Variants in EPYC observed in about 807,000 individuals in gnomAD.
The protein encoded by EPYC is epiphycan.
EPYC carries 28 observed loss-of-function variants against 30.1 expected under a neutral mutation model. The observed-to-expected ratio is 0.93, with a 90% CI of 0.69 to 1.28. EPYC has a LOEUF of 1.28. Ranked by LOEUF, EPYC falls within the 50% of genes most tolerant of loss-of-function variation. The pLI is 0.00. For synonymous variants in EPYC, 144 were observed against 141.4 expected (o/e 1.02, Z -0.13); for missense variants, 382 against 383.5 (o/e 1.00, Z 0.03).
At chr12:91,002,627 A>C (rs1189759234) in intron 1 of EPYC, 49 bp from the exon 2 acceptor site, 4 of 1,394,982 alleles carry the variant, frequency 2.9e-6, no homozygotes, top group Non-Finnish European at 3.9e-6. Context: ...ATAACTTATG[A>C]ATAGTTTGCA....
intron 6 of EPYC, among the ~76,000 whole-genome samples, chr12:90,968,771 T>A (rs537515302): frequency 1.8e-4 from 28 of 152,202 alleles, no homozygotes; most frequent in African/African-American, 6.5e-4. Context: ...TAAAATTTAA[T>A]TCATAATTGG....
chr12:91,001,587 C>T (rs921965858), intron 2 of EPYC, among the ~76,000 whole-genome samples: 3 of 152,108 alleles, frequency 2.0e-5, no homozygotes, highest in Non-Finnish European at 4.4e-5. Flanking sequence ...GAATGGGCTA[C>T]AACCTTGCCA....
chr12:90,980,530 C>G (rs1318584824), intron 2 of EPYC, among the ~76,000 whole-genome samples: 3 of 152,088 alleles, frequency 2.0e-5, no homozygotes, highest in African/African-American at 4.8e-5. Context: ...ATTTTTTCCC[C>G]TCTTCAACCA....
chr12:91,003,549 T>A (rs1418541419), intron 1 of EPYC, among the ~76,000 whole-genome samples: 1 of 152,104 alleles, frequency 6.6e-6, no homozygotes, highest in East Asian at 1.9e-4. Context: ...TTTTTTTAGT[T>A]CTGTATGTAC....
Position 91,002,472 on chromosome 12 carries a change from T to C in EPYC, c.94A>G (p.Thr32Ala), listed in dbSNP as rs1336036833. The change falls in exon 2 of 7, where the codon ACC (threonine) becomes GCC (alanine). Residue 32 changes from threonine (T) to alanine (A), a missense_variant. Transcript: ENST00000261172. Reference protein sequence around the residue: ...TLESINYDSETYDATLEDLDN... With the variant: ...TLESINYDSEAYDATLEDLDN... ...AGGTCTTCTAAGGTGGCATCATAGG[T>C]TTCTGAGTCATAGTTGATGGACTCT... The C allele has an allele frequency of 6.2e-7, 1 of 1,613,272 alleles. No homozygotes were observed. Among genetic ancestry groups the C allele is most frequent in the Non-Finnish European group, 8.5e-7 (1 of 1,179,604 alleles).
chr12:90,983,117 G>T (rs547022292), intron 2 of EPYC, among the ~76,000 whole-genome samples: 1 of 152,176 alleles, frequency 6.6e-6, no homozygotes, highest in Non-Finnish European at 1.5e-5. Context: ...GTATGCAAGG[G>T]TTCCCTTTTC....
chr12:90,990,346 A>G (rs1047107050), intron 2 of EPYC, among the ~76,000 whole-genome samples: 1 of 152,112 alleles, frequency 6.6e-6, no homozygotes, highest in African/African-American at 2.4e-5. Flanking sequence ...TGCACATATT[A>G]TCACAGGGTA....
chr12:90,979,170 A>G (rs996467941), intron 2 of EPYC, among the ~76,000 whole-genome samples: 4 of 152,062 alleles, frequency 2.6e-5, no homozygotes, highest in African/African-American at 9.7e-5. Context: ...TCTTTGTGGT[A>G]CTTAGTAAAT....
At chr12:90,977,502 A>G (rs1877214923) in intron 3 of EPYC, among the ~76,000 whole-genome samples, 1 of 152,130 alleles carries the variant, frequency 6.6e-6, no homozygotes, top group Non-Finnish European at 1.5e-5. Flanking sequence ...AAGAATCTGA[A>G]CAGGCTGGCT....
At chr12:91,001,006 A>T (rs1368260367) in intron 2 of EPYC, among the ~76,000 whole-genome samples, 1 of 152,190 alleles carries the variant, frequency 6.6e-6, no homozygotes, top group East Asian at 1.9e-4. Context: ...TCAAACAGTG[A>T]ATATTAATAA....
At chr12:90,972,692 A>G in intron 4 of EPYC, 130 bp downstream of exon 4, 3 of 831,844 alleles carry the variant, frequency 3.6e-6, no homozygotes, top group Non-Finnish European at 5.4e-6. Flanking sequence ...ATTTTTAAAT[A>G]ACAAAAAACT....
intron 6 of EPYC, among the ~76,000 whole-genome samples, chr12:90,965,793 C>A (rs780945189): frequency 1.1e-4 from 17 of 151,940 alleles, no homozygotes; most frequent in Non-Finnish European, 2.4e-4. Context: ...TTATTTAGAT[C>A]TTAATTTCAA....
chr12:90,969,824 G>T (rs145897232), intron 6 of EPYC, among the ~76,000 whole-genome samples: 2,552 of 152,190 alleles, frequency 0.017, 33 homozygotes, highest in Non-Finnish European at 0.028. Flanking sequence ...AAGAAAAAGA[G>T]TAAAGTTATC....
Position 90,971,795 on chromosome 12 carries a change from CT to C in EPYC, c.702+4del, listed in dbSNP as rs1217834172. The C allele has an allele frequency of 6.4e-7, 1 of 1,554,470 alleles. No individual in the cohort carries two copies. Among genetic ancestry groups the C allele is most frequent in the South Asian group, 1.3e-5 (1 of 78,924 alleles). On this transcript the variant is annotated splice_donor_region_variant and intron_variant, in intron 5 of 6. Transcript: ENST00000261172. ...AAAAGTCTGCATATCAAACTTAAAA[CT>C]TACTTTAAATGCTTCTTGCTTTATC... is the stretch of plus-strand genomic sequence containing the variant.
intron 6 of EPYC, 29 bp from the exon 7 acceptor site, chr12:90,964,355 A>G: frequency 6.5e-7 from 1 of 1,529,170 alleles, no homozygotes; most frequent in Non-Finnish European, 9.0e-7. Flanking sequence ...AATTATGACA[A>G]GATATAACAC....
At chr12:90,990,437 T>C (rs1877556144) in intron 2 of EPYC, among the ~76,000 whole-genome samples, 1 of 152,138 alleles carries the variant, frequency 6.6e-6, no homozygotes, top group African/African-American at 2.4e-5. Flanking sequence ...CCAATTGCCT[T>C]TGAAAAGGAT....
intron 6 of EPYC, among the ~76,000 whole-genome samples, chr12:90,965,436 G>A (rs376900060): frequency 1.3e-5 from 2 of 152,046 alleles, no homozygotes; most frequent in African/African-American, 2.4e-5. Flanking sequence ...CTGTCAGACC[G>A]TTTTCCAAAG....
chr12:90,994,454 A>G (rs1343091199), intron 2 of EPYC, among the ~76,000 whole-genome samples: 1 of 152,186 alleles, frequency 6.6e-6, no homozygotes, highest in Non-Finnish European at 1.5e-5. Flanking sequence ...GCCCAAGGTT[A>G]TACAGTTTGT....
intron 2 of EPYC, among the ~76,000 whole-genome samples, chr12:90,999,832 A>G (rs1592632701): frequency 6.6e-6 from 1 of 151,970 alleles, no homozygotes; most frequent in Non-Finnish European, 1.5e-5. Context: ...AAAGCAATTC[A>G]TTTTAATTTG....
Sources: gnomAD v4.1 joint callset for allele counts (sites outside exome capture counted in the v4.1 genomes callset) on GRCh38, gnomAD v4.1.1 for gene constraint, MANE v1.5 for transcripts, NCBI Gene and HGNC (gene_info 2026-07-23, HGNC 2026-07-21) for gene names.